Variants in NOC2L observed in about 807,000 individuals in gnomAD.
The protein encoded by NOC2L is NOC2 like nucleolar associated transcriptional repressor, also known as nucleolar complex protein 2 homolog.
Under a neutral mutation model 94.2 loss-of-function variants are expected in NOC2L, and 101 were observed. The ratio of observed to expected loss-of-function variants is 1.07; its 90% confidence interval spans 0.91 to 1.26. NOC2L has a LOEUF of 1.26. Among genes scored for constraint, NOC2L ranks in the 50% most tolerant of loss-of-function variants. NOC2L has a pLI of 0.00. For missense variants in NOC2L, 1,076 were observed against 980.1 expected, an observed-to-expected ratio of 1.10 and a Z score of -1.31; for synonymous variants, 531 against 413.4, an observed-to-expected ratio of 1.28 and a Z score of -3.45.
intron 12 of NOC2L, among the ~76,000 whole-genome samples, chr1:949,961 G>A (rs909028142): frequency 1.3e-5 from 2 of 152,246 alleles, no homozygotes; most frequent in Non-Finnish European, 2.9e-5. Flanking sequence ...ACAGGGTGGA[G>A]ATCGTGAATT....
chr1:952,044 C>G lies in NOC2L; in HGVS notation c.1287G>C (p.Gln429His), dbSNP rs1410915653. 1.1e-5 allele frequency: 17 copies of G among 1,613,494 alleles called. No individual in the cohort carries two copies. The highest frequency in any genetic ancestry group is 1.4e-5 in the Non-Finnish European group (17 of 1,179,902). The change falls in exon 11 of 19, where the codon CAG becomes CAC. Residue 429 changes from glutamine (Q) to histidine (H), a missense_variant. Gln to His is a conservative substitution (Grantham distance 24). Coordinates refer to ENST00000327044, the MANE Select transcript of NOC2L (RefSeq NM_015658.4). Reference sequence around the variant, plus strand: ...CTTGGGCAAGGGGGTAGACCAAGGGCTGGAGGGCTTCGCTGGGGCCCGCAG... The same window carrying G: ...CTTGGGCAAGGGGGTAGACCAAGGGGTGGAGGGCTTCGCTGGGGCCCGCAG... The part of the protein sequence containing the change: ...LSTAGPSEAL[Q>H]PLVYPLAQVI...
rs1188119118 is a variant in NOC2L at position 951,123 on chromosome 1, T to A, written c.1443+4A>T. On this transcript the variant is annotated splice_donor_region_variant and intron_variant, in intron 12 of 18. Coordinates refer to ENST00000327044, the MANE Select transcript of NOC2L (RefSeq NM_015658.4). ...TGCCACACGCCCACCACAGCCTCACTCACCTCCAGGATGAAAGGCAGCACC... is the reference window on the plus strand; with the variant it reads ...TGCCACACGCCCACCACAGCCTCACACACCTCCAGGATGAAAGGCAGCACC... 3.2e-6 allele frequency: 5 copies of A among 1,569,248 alleles called. No homozygotes were observed. In the East Asian group the frequency reaches 1.2e-4, roughly 37 times the overall value.
chr1:944,443 C>A lies in NOC2L; in HGVS notation c.*251G>T. On this transcript the variant is annotated 3_prime_UTR_variant, in exon 19 of 19. Transcript: ENST00000327044. ...GGGACTGGTCTCGGTCTGCTGACGT[C>A]AGGGTCAGCTCCCCCGCGGAGCTGA... 1.1e-6 allele frequency: 1 copy of A among 939,570 alleles called. No individual in the cohort carries two copies. Among genetic ancestry groups the A allele is most frequent in the Non-Finnish European group, 1.5e-6 (1 of 673,934 alleles). The allele number at this position is 939,570 out of a possible 1,614,324, so 58.2% of individuals were successfully genotyped here.
chr1:945,483 C>T (rs1642079058), intron 17 of NOC2L, 35 bp downstream of exon 17: 13 of 1,611,228 alleles, frequency 8.1e-6, no homozygotes, highest in Non-Finnish European at 1.1e-5. Flanking sequence ...CCCTCCAGGC[C>T]CACCCTTCCC....
chr1:949,436 A>G (rs887155478), intron 12 of NOC2L, among the ~76,000 whole-genome samples: 1 of 152,208 alleles, frequency 6.6e-6, no homozygotes, highest in Non-Finnish European at 1.5e-5. Context: ...GCCTGGGCCA[A>G]AAGTATGGGC....
rs200896050 is a variant in NOC2L, at chr1:948,541, G to C, written c.1506C>G (p.Phe502Leu). 1.6e-5 allele frequency: 26 copies of C among 1,613,600 alleles called. No individual in the cohort carries two copies. The highest frequency in any genetic ancestry group is 2.2e-5 in the Non-Finnish European group (26 of 1,179,988). The change falls in exon 13 of 19, where the codon TTC (phenylalanine) becomes TTG (leucine). Residue 502 changes from phenylalanine (F) to leucine (L), a missense_variant. This residue lies in a region of NOC2L where 615 missense variants were observed against 577.4 expected (regional missense o/e 1.07). Transcript: ENST00000327044. ...PGRMSSKPIN[F>L]SVILKLSNVN... ...CATTGGACAGCTTCAGGATCACGGA[G>C]AAGTTGATGGGCTTGGAGCTCATGC...
intron 11 of NOC2L, 122 bp from the exon 12 acceptor site, chr1:951,360 C>T (rs889350218): frequency 1.3e-6 from 1 of 741,358 alleles, no homozygotes; most frequent in Admixed American, 2.2e-5. Context: ...GGACAAGGCA[C>T]GTCTGAACCC....
chr1:946,105 T>A (rs1642100197), intron 16 of NOC2L, 68 bp downstream of exon 16: 2 of 1,187,644 alleles, frequency 1.7e-6, no homozygotes, highest in Non-Finnish European at 2.4e-6. Flanking sequence ...TGGTCTCAAG[T>A]CATAGTGCGC....
rs1197798900 is a variant in NOC2L, at chr1:944,766, A to C, written c.2178T>G (p.Pro726=). 6.3e-7 allele frequency: 1 copy of C among 1,598,840 alleles called. No homozygotes were observed. The highest frequency in any genetic ancestry group is 1.1e-5 in the South Asian group (1 of 90,798). ...GDPDAEAGLA[P]GELQQLAQGP... ...CCTGGGCCAGCTGCTGCAGCTCCCC[A>C]GGGGCCAGCCCCGCCTCTGCGTCTG... is the stretch of plus-strand genomic sequence containing the variant. Residue 726 remains proline, a synonymous_variant, in exon 19 of 19, where the codon CCT becomes CCG. Coordinates refer to ENST00000327044, the MANE Select transcript of NOC2L (RefSeq NM_015658.4).
rs1422140072 is a variant in NOC2L at position 956,945 on chromosome 1, A to G, written c.435T>C (p.Asn145=). The change falls in exon 4 of 19, where the codon AAT becomes AAC. Residue 145 remains asparagine (N), a synonymous_variant. Transcript: ENST00000327044. Reference sequence around the variant, plus strand: ...CCATGGCGACGGTCACAGGAACAGAATTCTTCTTCCCCTTCAGCCCTCTGG... The same window carrying G: ...CCATGGCGACGGTCACAGGAACAGAGTTCTTCTTCCCCTTCAGCCCTCTGG... ...RVPRGLKGKK[N]SVPVTVAMVE... is the part of the protein sequence containing the mutation. 1 of 1,613,978 alleles carries G rather than the reference A, an allele frequency of 6.2e-7. No homozygotes were observed. Among genetic ancestry groups the G allele is most frequent in the African/African-American group, 1.3e-5 (1 of 74,942 alleles).
Position 952,496 on chromosome 1 carries a change from C to T in NOC2L, c.1107G>A (p.Glu369=), listed in dbSNP as rs149318422. ...QWTLTELLAL[E]PGVAYQHAFL... The stretch of plus-strand genomic sequence containing the variant: ...AGGCGTGCTGGTAGGCCACACCCGG[C>T]TCCAGGGCCAGCAGCTCCGTCAAGG... The change falls in exon 10 of 19, where the codon GAG becomes GAA. Residue 369 remains glutamate (E), a synonymous_variant. Transcript: ENST00000327044. 14 of 1,613,724 alleles carry T rather than the reference C, an allele frequency of 8.7e-6. No individual in the cohort carries two copies. The African/African-American group carries it at 1.5e-4, about 17-fold the overall frequency.
intron 6 of NOC2L, among the ~76,000 whole-genome samples, chr1:955,194 G>A (rs1642367565): frequency 6.6e-6 from 1 of 152,236 alleles, no homozygotes; most frequent in Non-Finnish European, 1.5e-5. Context: ...GGACAGCACT[G>A]CCTCCATGTG....
At chr1:947,516 C>A (rs187245594) in intron 14 of NOC2L, among the ~76,000 whole-genome samples, 41 of 152,336 alleles carry the variant, frequency 2.7e-4, no homozygotes, top group South Asian at 2.1e-4. Flanking sequence ...GACAGCAGGG[C>A]CCCCACCCCT....
Position 946,307 on chromosome 1 carries a change from AG to A in NOC2L, c.1804-22del, listed in dbSNP as rs200234248. On this transcript the variant is annotated intron_variant, in intron 15 of 18. Coordinates refer to ENST00000327044, the MANE Select transcript of NOC2L (RefSeq NM_015658.4). ...GCTTCCTGGGGGGTTGGGGGAGTTC[AG>A]GGTCATGCCTCACCCTGGGCAAACC... is the stretch of plus-strand genomic sequence containing the variant. 1.1e-3 allele frequency: 1,806 copies of A among 1,612,376 alleles called. 24 individuals carry two copies. The African/African-American group carries it at 0.022, about 20-fold the overall frequency.
intron 11 of NOC2L, 106 bp from the exon 12 acceptor site, chr1:951,344 A>G (rs1642256083): frequency 1.2e-6 from 1 of 865,216 alleles, no homozygotes; most frequent in African/African-American, 1.7e-5. Context: ...TCAGACCCCT[A>G]AAGCAGGACA....
chr1:959,008 T>TTTCGGACTCGGA lies in NOC2L; in HGVS notation c.88_99dup (p.Ser30_Glu33dup), dbSNP rs768510112. On this transcript the variant is annotated inframe_insertion, in exon 2 of 19. Transcript: ENST00000327044. Reference sequence around the variant, plus strand: ...TCCCGTGTCTCCGCTTGTGGAGAATTTTCGGACTCGGATTCGGACTCGGAG... The same window carrying TTTCGGACTCGGA: ...TCCCGTGTCTCCGCTTGTGGAGAATTTTCGGACTCGGATTCGGACTCGGATTCGGACTCGGAG... 2.5e-6 allele frequency: 4 copies of TTTCGGACTCGGA among 1,612,572 alleles called. No homozygotes were observed. The highest frequency in any genetic ancestry group is 2.5e-6 in the Non-Finnish European group (3 of 1,179,848).
chr1:953,958 C>T lies in NOC2L; in HGVS notation c.777+46G>A, dbSNP rs371068291. 2.5e-6 allele frequency: 4 copies of T among 1,604,844 alleles called. No homozygotes were observed. The African/African-American group carries it at 5.4e-5, about 21-fold the overall frequency. On this transcript the variant is annotated intron_variant, in intron 7 of 18. Transcript: ENST00000327044. ...TTCTGGGATACAAAAAAGGACCGAC[C>T]ACCAGATACAGCCAGGCCCCCGTGC...
At chr1:946,670 C>T (rs1642126971) in intron 14 of NOC2L, 125 bp from the exon 15 acceptor site, 2 of 1,180,140 alleles carry the variant, frequency 1.7e-6, no homozygotes, top group Non-Finnish European at 2.4e-6. Context: ...TGGATCCCAT[C>T]TCAGGGCTCA....
Position 946,057 on chromosome 1 carries a change from G to A in NOC2L, c.1917+116C>T, listed in dbSNP as rs975709171. 5.2e-5 allele frequency: 40 copies of A among 776,116 alleles called. 1 individual carries two copies. The highest frequency in any genetic ancestry group is 4.7e-4 in the South Asian group (28 of 59,286). The allele number at this position is 776,116 out of a possible 1,614,324, so 48.1% of individuals were successfully genotyped here. A position where few individuals can be genotyped will look rare whatever the true frequency, so the allele number is the denominator to read the frequency against. ...TCTCCAAGTCGAATCATCCGGGCAC[G>A]GCCCTGGCCGCCTGGCACTGTTTCC... On this transcript the variant is annotated intron_variant, in intron 16 of 18. Transcript: ENST00000327044.
Sources: allele counts gnomAD v4.1 joint callset (sites outside exome capture counted in the v4.1 genomes callset), GRCh38; gene constraint gnomAD v4.1.1; regional missense constraint gnomAD v4.1.1; transcripts MANE v1.5; gene names NCBI Gene and HGNC (gene_info 2026-07-23, HGNC 2026-07-21).